DYNC1H1: variants seen among roughly 807,000 people sequenced by gnomAD.
The protein encoded by DYNC1H1 is cytoplasmic dynein 1 heavy chain 1.
Under a neutral mutation model 527.1 loss-of-function variants are expected in DYNC1H1, and 51 were observed. The observed-to-expected ratio is 0.10, with a 90% CI of 0.08 to 0.12. The LOEUF (loss-of-function observed/expected upper bound fraction) is 0.12. Among genes scored for constraint, DYNC1H1 ranks in the 10% least tolerant of loss-of-function variants. The probability of loss-of-function intolerance (pLI) is 1.00; values close to 1 mark genes in which losing one functional copy is unlikely to be tolerated. For missense variants in DYNC1H1, 2,771 were observed against 5,971.8 expected (o/e 0.46, Z 17.66); for synonymous variants, 2,189 against 2,278.8 (o/e 0.96, Z 1.12).
In DYNC1H1 at chr14:102,056,254, C is replaced by T. The variant is rs1205244386; in HGVS notation, c.*5691C>T. 2 of 152,236 alleles carry T rather than the reference C, an allele frequency of 1.3e-5. No homozygotes were observed. Among genetic ancestry groups the T allele is most frequent in the African/African-American group, 2.4e-5 (1 of 41,448 alleles). 9.4% of individuals were successfully genotyped at this position (152,236 alleles called of 1,614,324 possible). On this transcript the variant is annotated 3_prime_UTR_variant, in exon 78 of 78. Coordinates refer to ENST00000360184, the MANE Select transcript of DYNC1H1 (RefSeq NM_001376.5). ...AGACTCCCTGCTCTGTTCTGTTTCA[C>T]TCTGACTACCAGTGCATGAAACCCC...
Position 102,054,145 on chromosome 14 carries a change from C to A in DYNC1H1, c.*3582C>A, listed in dbSNP as rs1439418287. The A allele has an allele frequency of 6.6e-6, 1 of 152,280 alleles. No homozygotes were observed. The highest frequency in any genetic ancestry group is 2.4e-5 in the African/African-American group (1 of 41,448). 9.4% of individuals were successfully genotyped at this position (152,280 alleles called of 1,614,324 possible). A position where few individuals can be genotyped will look rare whatever the true frequency, so the allele number is the denominator to read the frequency against. On this transcript the variant is annotated 3_prime_UTR_variant, in exon 78 of 78. Transcript: ENST00000360184. ...CAGCCTGAGCCTTGTTCCCAGAAAG[C>A]CCTCAACGCAGTGCTGGGCACAGAC...
intron 52 of DYNC1H1, 27 bp downstream of exon 52, chr14:102,032,494 T>G (rs765214414): frequency 4.3e-6 from 7 of 1,613,730 alleles, no homozygotes; most frequent in Admixed American, 3.3e-5. Flanking sequence ...GCCAAGGTAT[T>G]GCCAGAAATT....
Position 101,994,173 on chromosome 14 carries a change from T to C in DYNC1H1, c.3016-11T>C. On this transcript the variant is annotated splice_polypyrimidine_tract_variant and intron_variant, in intron 11 of 77. Transcript: ENST00000360184. ...ACACTGCTTGCATTCATTTCGGCTT[T>C]GGTTGGCTAGGTGGGTGTACATTAC... 1 of 1,614,220 alleles carries C rather than the reference T, an allele frequency of 6.2e-7. No individual in the cohort carries two copies. Among genetic ancestry groups the C allele is most frequent in the Non-Finnish European group, 8.5e-7 (1 of 1,180,024 alleles).
At chr14:102,030,351 A>T in intron 51 of DYNC1H1, 69 bp downstream of exon 51, 1 of 1,611,414 alleles carries the variant, frequency 6.2e-7, no homozygotes, top group South Asian at 1.1e-5. Flanking sequence ...TGTGGAGTTC[A>T]GGTCACTGAA....
At chr14:101,971,279 G>T (rs548181265) in intron 1 of DYNC1H1, among the ~76,000 whole-genome samples, 181 of 151,632 alleles carry the variant, frequency 1.2e-3, no homozygotes, top group Middle Eastern at 6.8e-3. Context: ...TCACCATCTT[G>T]CCCAGACTGG....
chr14:102,004,702 C>A lies in DYNC1H1; in HGVS notation c.5049+19C>A. 3 of 1,614,114 alleles carry A rather than the reference C, an allele frequency of 1.9e-6. No homozygotes were observed. The highest frequency in any genetic ancestry group is 1.1e-5 in the South Asian group (1 of 91,068). On this transcript the variant is annotated intron_variant, in intron 24 of 77. Transcript: ENST00000360184. ...AGAGGAGGTAAATTTATGTTCGTAA[C>A]TTTTAAAACTTCTCTCACATTTTTG...
Position 102,049,003 on chromosome 14 carries a change from A to G in DYNC1H1, c.13372+334A>G. 2 of 435,056 alleles carry G rather than the reference A, an allele frequency of 4.6e-6. No individual in the cohort carries two copies. Among genetic ancestry groups the G allele is most frequent in the South Asian group, 2.1e-5 (1 of 47,772 alleles). 26.9% of individuals were successfully genotyped at this position (435,056 alleles called of 1,614,324 possible). On this transcript the variant is annotated intron_variant, in intron 74 of 77. Transcript: ENST00000360184. The surrounding 1 kb of genome is among the most constrained non-coding windows in gnomAD (Gnocchi z 5.5). ...GGTAGTAGGTTACGGCCTGTGAAGA[A>G]TGGGTGTCCCCCAGGACAGTGGAAA...
At chr14:101,984,715 G>A (rs533943692) in intron 7 of DYNC1H1, among the ~76,000 whole-genome samples, 7 of 150,768 alleles carry the variant, frequency 4.6e-5, no homozygotes, top group African/African-American at 1.2e-4. Context: ...GGCGGATCAC[G>A]AGGTCAGAAG....
chr14:102,029,772 T>C lies in DYNC1H1; in HGVS notation c.9643-47T>C, dbSNP rs767770266. ...GCTGCAGTGAGGACCCCTTTCCATATAATTTCTGCATGTTTCTCGTCTCTG... is the reference window on the plus strand; with the variant it reads ...GCTGCAGTGAGGACCCCTTTCCATACAATTTCTGCATGTTTCTCGTCTCTG... On this transcript the variant is annotated intron_variant, in intron 49 of 77. Coordinates refer to ENST00000360184, the MANE Select transcript of DYNC1H1 (RefSeq NM_001376.5). The surrounding 1 kb of genome is among the most constrained non-coding windows in gnomAD (Gnocchi z 5.3). 6 of 1,614,210 alleles carry C rather than the reference T, an allele frequency of 3.7e-6. No homozygotes were observed. The South Asian group carries it at 5.5e-5, about 15-fold the overall frequency.
rs1479525263 is a variant in DYNC1H1, at chr14:102,005,556, C to G, written c.5433+320C>G. On this transcript the variant is annotated intron_variant, in intron 26 of 77. Coordinates refer to ENST00000360184, the MANE Select transcript of DYNC1H1 (RefSeq NM_001376.5). The surrounding 1 kb of genome is among the most constrained non-coding windows in gnomAD (Gnocchi z 4.0). Reference sequence around the variant, plus strand: ...TGCACGGCACGGGCAGTGCTTGCTGCGAGCCCCATGGCGGCACGTGGCAGA... The same window carrying G: ...TGCACGGCACGGGCAGTGCTTGCTGGGAGCCCCATGGCGGCACGTGGCAGA... Among the ~76,000 whole-genome samples, 1 of 152,226 alleles carries G rather than the reference C, an allele frequency of 6.6e-6. No homozygotes were observed. The highest frequency in any genetic ancestry group is 2.4e-5 in the African/African-American group (1 of 41,458).
chr14:101,972,793 AATTTT>A (rs1278150907), intron 1 of DYNC1H1, among the ~76,000 whole-genome samples: 11 of 152,138 alleles, frequency 7.2e-5, no homozygotes, highest in Non-Finnish European at 1.6e-4. Flanking sequence ...ATAGAATGTT[AATTTT>A]ATTTTCTGTA....
Position 102,033,381 on chromosome 14 carries a change from TC to T in DYNC1H1, c.10312del (p.Arg3438GlufsTer17). ...AAGGCCAACGAGGTGGAGCAGATGATCCGAGACCTGGAAGCCAGCATCGCCC... is the reference window on the plus strand; with the variant it reads ...AAGGCCAACGAGGTGGAGCAGATGATCGAGACCTGGAAGCCAGCATCGCCC... ...QQKANEVEQM[I>X]RDLEASIARY... On this transcript the variant is annotated frameshift_variant, in exon 54 of 78. Transcript: ENST00000360184. LOFTEE classifies it high-confidence loss of function. This position sits in a 1 kb window ranked among gnomAD's most constrained non-coding sequence, Gnocchi z 5.6. 6.2e-7 allele frequency: 1 copy of T among 1,614,158 alleles called. No individual in the cohort carries two copies. The highest frequency in any genetic ancestry group is 8.5e-7 in the Non-Finnish European group (1 of 1,180,040).
rs542766559 is a variant in DYNC1H1 at position 101,998,169 on chromosome 14, C to G, written c.3804+895C>G. ...AATACAAATGCCTGGACCCCTCTCCCCTCTATAAACGCTGATCCGATAACA... is the reference window on the plus strand; with the variant it reads ...AATACAAATGCCTGGACCCCTCTCCGCTCTATAAACGCTGATCCGATAACA... On this transcript the variant is annotated intron_variant, in intron 16 of 77. Coordinates refer to ENST00000360184, the MANE Select transcript of DYNC1H1 (RefSeq NM_001376.5). Among the ~76,000 whole-genome samples, 7 of 152,186 alleles carry G rather than the reference C, an allele frequency of 4.6e-5. No homozygotes were observed. In the East Asian group the frequency reaches 1.2e-3, roughly 25 times the overall value.
chr14:102,023,438 A>G (rs766944536), intron 43 of DYNC1H1: 2 of 202,172 alleles, frequency 9.9e-6, no homozygotes, highest in Non-Finnish European at 2.0e-5. Context: ...AATCCCAGCT[A>G]TTTAGGAGGC....
At chr14:102,032,613 A>C in intron 52 of DYNC1H1, 146 bp downstream of exon 52, 1 of 1,054,174 alleles carries the variant, frequency 9.5e-7, no homozygotes, top group African/African-American at 1.6e-5. Context: ...GAACTTTGGG[A>C]GGCTGAGGCA....
Position 102,042,028 on chromosome 14 carries a change from C to T in DYNC1H1, c.12118C>T (p.Pro4040Ser). 6.2e-7 allele frequency: 1 copy of T among 1,614,156 alleles called. No individual in the cohort carries two copies. Among genetic ancestry groups the T allele is most frequent in the African/African-American group, 1.3e-5 (1 of 75,064 alleles). The change falls in exon 66 of 78, where the codon CCT (proline) becomes TCT (serine). Residue 4040 changes from proline to serine, a missense_variant. By Grantham distance (74) the Pro-to-Ser change is moderately conservative. This residue lies in a region of DYNC1H1 where 195 missense variants were observed against 428.6 expected (regional missense o/e 0.45). Coordinates refer to ENST00000360184, the MANE Select transcript of DYNC1H1 (RefSeq NM_001376.5). The surrounding 1 kb of genome is among the most constrained non-coding windows in gnomAD (Gnocchi z 5.7). ...IVGTEVKPNT[P>S]VLMCSVPGYD... Reference sequence around the variant, plus strand: ...TTGTTTGCAGGTGAAGCCCAACACTCCTGTCTTAATGTGCTCTGTGCCTGG... The same window carrying T: ...TTGTTTGCAGGTGAAGCCCAACACTTCTGTCTTAATGTGCTCTGTGCCTGG...
intron 16 of DYNC1H1, among the ~76,000 whole-genome samples, chr14:101,998,879 C>CTTTTTTTTTTTTTTTTGTTTTTTTTT: frequency 8.7e-6 from 1 of 115,214 alleles, no homozygotes; most frequent in African/African-American, 3.8e-5. Flanking sequence ...AAAACTTTTT[C>CTTTTTTTTTTTTTTTTGTTTTTTTTT]TTTTTTTTTT....
At chr14:102,013,959 C>T (rs1204538377) in intron 34 of DYNC1H1, among the ~76,000 whole-genome samples, 1 of 152,170 alleles carries the variant, frequency 6.6e-6, no homozygotes, top group African/African-American at 2.4e-5. Flanking sequence ...CTGGCCTGAT[C>T]AGCTTATGAG....
rs532071373 is a variant in DYNC1H1, at chr14:101,970,773, G to A, written c.257-4939G>A. 2.6e-4 allele frequency among the ~76,000 whole-genome samples: 40 copies of A among 152,254 alleles called. 1 individual carries two copies. The highest frequency in any genetic ancestry group is 9.1e-4 in the African/African-American group (38 of 41,546). ...GCTGGGACTGCAGGCGTGAGCCACT[G>A]TGCCCAGCCCATGTTTGGGATTTTA... On this transcript the variant is annotated intron_variant, in intron 1 of 77. Coordinates refer to ENST00000360184, the MANE Select transcript of DYNC1H1 (RefSeq NM_001376.5).
Sources: allele counts gnomAD v4.1 joint callset (sites outside exome capture counted in the v4.1 genomes callset), GRCh38; gene constraint gnomAD v4.1.1; regional missense constraint gnomAD v4.1.1; non-coding constraint Gnocchi (gnomAD v3.1); transcripts MANE v1.5; gene names NCBI Gene and HGNC (gene_info 2026-07-23, HGNC 2026-07-21).